Variants in EML6 observed in about 807,000 individuals in gnomAD.
EML6 encodes EMAP like 6.
Under a neutral mutation model 240.1 loss-of-function variants are expected in EML6, and 154 were observed. That is an observed-to-expected ratio of 0.64 (90% CI 0.56 to 0.73). EML6 has a LOEUF of 0.73. Ranked by LOEUF, EML6 falls within the 30% of genes least tolerant of loss-of-function variation. The pLI is 0.00. For missense variants in EML6, 2,964 were observed against 2,474.6 expected (o/e 1.20, Z -4.20); for synonymous variants, 1,148 against 899.0 (o/e 1.28, Z -4.95).
chr2:54,940,460 A>C (rs1054079885), intron 28 of EML6, among the ~76,000 whole-genome samples: 1 of 152,190 alleles, frequency 6.6e-6, no homozygotes, highest in Non-Finnish European at 1.5e-5. Context: ...GTCAATATAA[A>C]ATTTCACTGG....
intron 2 of EML6, among the ~76,000 whole-genome samples, chr2:54,785,754 AT>A (rs1558546029): frequency 6.6e-6 from 1 of 151,676 alleles, no homozygotes; most frequent in African/African-American, 2.4e-5. Context: ...TTTTGCATTC[AT>A]GACATATCTC....
intron 7 of EML6, among the ~76,000 whole-genome samples, chr2:54,836,216 G>A (rs925325944): frequency 6.6e-6 from 1 of 152,142 alleles, no homozygotes; most frequent in Non-Finnish European, 1.5e-5. Flanking sequence ...CTGCTGGCCT[G>A]GCTTGTAGTA....
rs10689357 is a variant in EML6 at position 54,865,321 on chromosome 2, C to CAAAA, written c.1933-1433_1933-1430dup. ...CTAGTTAACACAGTCTCTGTATCTA[C>CAAAA]AAAAAAAAAAAAAAACTGCTGGGCA... On this transcript the variant is annotated intron_variant, in intron 13 of 41. Coordinates refer to ENST00000356458, the MANE Select transcript of EML6 (RefSeq NM_001039753.4). Among the ~76,000 whole-genome samples, 55 of 138,700 alleles carry CAAAA rather than the reference C, an allele frequency of 4.0e-4. 2 individuals carry two copies. Among genetic ancestry groups the CAAAA allele is most frequent in the Admixed American group, 1.3e-3 (18 of 13,924 alleles). The allele number at this position is 138,700 out of a possible 152,430, so 91.0% of individuals were successfully genotyped here.
chr2:54,790,610 A>C (rs1669382909), intron 2 of EML6, among the ~76,000 whole-genome samples: 1 of 152,164 alleles, frequency 6.6e-6, no homozygotes, highest in Admixed American at 6.5e-5. Context: ...AGAAGCAAGA[A>C]ACTGGTTATA....
At chr2:54,780,068 A>G (rs2116436) in intron 2 of EML6, among the ~76,000 whole-genome samples, 50,843 of 151,794 alleles carry the variant, frequency 0.33, 9,154 homozygotes, top group Admixed American at 0.45. Flanking sequence ...AAAGGTCCCT[A>G]CTATTCACGG....
At chr2:54,867,573 G>A (rs1052027138) in intron 14 of EML6, 24 of 152,150 alleles carry the variant, frequency 1.6e-4, no homozygotes, top group African/African-American at 5.8e-4. Context: ...TCGAGACATG[G>A]TGAAATCTCA....
chr2:54,950,928 A>G (rs1675942685), intron 30 of EML6, 149 bp downstream of exon 30: 1 of 863,220 alleles, frequency 1.2e-6, no homozygotes, highest in Non-Finnish European at 1.7e-6. Flanking sequence ...AGGCCTGGTA[A>G]CGCTCAGGTT....
intron 21 of EML6, among the ~76,000 whole-genome samples, chr2:54,895,731 T>C (rs562545541): frequency 6.6e-6 from 1 of 152,190 alleles, no homozygotes; most frequent in African/African-American, 2.4e-5. Context: ...AGCTCACTCA[T>C]GTTGTTGGCA....
chr2:54,747,679 T>C (rs1482141077), intron 2 of EML6, among the ~76,000 whole-genome samples: 6 of 152,186 alleles, frequency 3.9e-5, no homozygotes, highest in African/African-American at 1.4e-4. Context: ...TTAAGTAAAC[T>C]TATTTGAGGC....
At chr2:54,832,295 T>A (rs553444451) in intron 7 of EML6, among the ~76,000 whole-genome samples, 195 of 152,302 alleles carry the variant, frequency 1.3e-3, no homozygotes, top group African/African-American at 4.5e-3. Flanking sequence ...CTCTCTAAGG[T>A]GCTCTGTTGC....
At chr2:54,935,173 A>G (rs1675073569) in intron 28 of EML6, among the ~76,000 whole-genome samples, 1 of 152,134 alleles carries the variant, frequency 6.6e-6, no homozygotes, top group Admixed American at 6.6e-5. Flanking sequence ...GGTTGGGTGT[A>G]CGTGTCGTTT....
chr2:54,730,338 G>A (rs1460581291), intron 2 of EML6, among the ~76,000 whole-genome samples: 1 of 152,150 alleles, frequency 6.6e-6, no homozygotes, highest in African/African-American at 2.4e-5. Context: ...AGCCATGATT[G>A]GGCCTGGAGT....
intron 30 of EML6, 41 bp downstream of exon 30, chr2:54,950,820 T>C (rs1011641348): frequency 3.3e-6 from 5 of 1,535,056 alleles, no homozygotes; most frequent in Non-Finnish European, 4.4e-6. Flanking sequence ...CTTTTAGCTG[T>C]TTTTTACATG....
At chr2:54,744,390 G>C (rs1447334124) in intron 2 of EML6, among the ~76,000 whole-genome samples, 1 of 152,154 alleles carries the variant, frequency 6.6e-6, no homozygotes, top group Non-Finnish European at 1.5e-5. Context: ...GAACATGTAG[G>C]TGATTTCACA....
intron 38 of EML6, 69 bp from the exon 39 acceptor site, chr2:54,966,931 C>G (rs1249103099): frequency 1.0e-6 from 1 of 1,004,108 alleles, no homozygotes; most frequent in Non-Finnish European, 1.5e-6. Flanking sequence ...TTCTGGGAAA[C>G]TGTGCCCAAA....
Position 54,903,111 on chromosome 2 carries a change from C to G in EML6, c.3192C>G (p.Phe1064Leu). The G allele has an allele frequency of 6.4e-7, 1 of 1,551,758 alleles. No individual in the cohort carries two copies. Among genetic ancestry groups the G allele is most frequent in the Non-Finnish European group, 8.7e-7 (1 of 1,146,950 alleles). ...ALAVGLNDGS[F>L]LVVNADTVED... ...CGGTTGGCTTGAACGATGGGAGTTT[C>G]CTGGTGGTAAATGCTGACACTGTTG... The change falls in exon 23 of 42, where the codon TTC (phenylalanine) becomes TTG (leucine). Residue 1064 changes from phenylalanine (F) to leucine (L), a missense_variant. Physicochemically the swap from Phe to Leu is conservative, Grantham distance 22. Transcript: ENST00000356458.
At chr2:54,729,261 T>C (rs1294148592) in intron 2 of EML6, among the ~76,000 whole-genome samples, 1 of 152,244 alleles carries the variant, frequency 6.6e-6, no homozygotes, top group Non-Finnish European at 1.5e-5. Flanking sequence ...ACCTCTCCCA[T>C]GAGACCTTGT....
intron 2 of EML6, among the ~76,000 whole-genome samples, chr2:54,807,011 T>A (rs1670530565): frequency 6.6e-6 from 1 of 152,206 alleles, no homozygotes; most frequent in African/African-American, 2.4e-5. Flanking sequence ...TACACTTTAC[T>A]GACATAAATA....
chr2:54,778,891 C>CAAA (rs556068541), intron 2 of EML6, among the ~76,000 whole-genome samples: 3 of 99,590 alleles, frequency 3.0e-5, no homozygotes, highest in South Asian at 3.4e-4. Flanking sequence ...GACTCCATCT[C>CAAA]AAAAAAAAAA....
Sources: gnomAD v4.1 joint callset for allele counts (sites outside exome capture counted in the v4.1 genomes callset) on GRCh38, gnomAD v4.1.1 for gene constraint, MANE v1.5 for transcripts, NCBI Gene and HGNC (gene_info 2026-07-23, HGNC 2026-07-21) for gene names.